DOCK8: variants seen among roughly 807,000 people sequenced by gnomAD.
The protein encoded by DOCK8 is dedicator of cytokinesis protein 8.
Under a neutral mutation model 245.6 loss-of-function variants are expected in DOCK8, and 141 were observed. The observed-to-expected ratio is 0.57, with a 90% CI of 0.50 to 0.66. The LOEUF is 0.66. DOCK8 is among the 30% of genes least tolerant of loss of function. DOCK8 has a pLI of 0.00. For missense variants in DOCK8, 2,965 were observed against 2,603.4 expected (o/e 1.14, Z -3.02); for synonymous variants, 1,168 against 970.2 (o/e 1.20, Z -3.79).
At chr9:445,995 CCATT>C in intron 43 of DOCK8, among the ~76,000 whole-genome samples, 1 of 152,230 alleles carries the variant, frequency 6.6e-6, no homozygotes, top group Non-Finnish European at 1.5e-5. Flanking sequence ...TTTAGTTCGG[CCATT>C]CATGCTTCCT....
chr9:426,532 G>C (rs1381913290), intron 33 of DOCK8, among the ~76,000 whole-genome samples: 2 of 152,200 alleles, frequency 1.3e-5, no homozygotes, highest in African/African-American at 4.8e-5. Flanking sequence ...TTTCATGCGT[G>C]AAATACAGCC....
rs758841898 is a variant in DOCK8, at chr9:420,383, C to A, written c.3841-18C>A. On this transcript the variant is annotated intron_variant, in intron 30 of 47. Transcript: ENST00000432829. Reference sequence around the variant, plus strand: ...GACTTCTTCCCTGGCCTCCATCCCCCAATCTGCCTCCCTTCAGCCCTATAA... The same window carrying A: ...GACTTCTTCCCTGGCCTCCATCCCCAAATCTGCCTCCCTTCAGCCCTATAA... The A allele has an allele frequency of 5.6e-6, 9 of 1,614,036 alleles. No homozygotes were observed. The highest frequency in any genetic ancestry group is 1.1e-5 in the South Asian group (1 of 91,052).
chr9:311,298 A>AAAG (rs1491523336), intron 5 of DOCK8, among the ~76,000 whole-genome samples: 2 of 151,502 alleles, frequency 1.3e-5, no homozygotes, highest in African/African-American at 4.9e-5. Flanking sequence ...AAAAAAAAAA[A>AAAG]AGGTAATCAT....
chr9:215,467 G>C (rs2046728524), intron 1 of DOCK8: 2 of 1,481,140 alleles, frequency 1.4e-6, no homozygotes, highest in East Asian at 2.6e-5. Flanking sequence ...TTAGAGTTGC[G>C]TTTGAGGCAG....
chr9:407,490 C>T (rs1163125514), intron 28 of DOCK8, among the ~76,000 whole-genome samples: 1 of 152,206 alleles, frequency 6.6e-6, no homozygotes, highest in Non-Finnish European at 1.5e-5. Flanking sequence ...GCAGCTGTCC[C>T]ATGCCCAGAT....
rs373168547 is a variant in DOCK8 at position 312,083 on chromosome 9, G to A, written c.658G>A (p.Glu220Lys). ...LENLLQQVSA[E>K]DFEKQNEEAR... ...AAACCTCCTGCAGCAAGTGAGTGCC[G>A]AGGACTTTGAGAAGCAGAACGAGGA... Residue 220 changes from glutamate to lysine, a missense_variant, in exon 6 of 48, where the codon GAG (glutamate) becomes AAG (lysine). By Grantham distance (56) the Glu-to-Lys change is moderately conservative. Around this residue, in one of 3 missense-constraint regions of DOCK8, gnomAD observed 2,825 missense variants for 2,453.5 expected, o/e 1.15. Transcript: ENST00000432829. 2.0e-5 allele frequency: 32 copies of A among 1,614,086 alleles called. No homozygotes were observed. The highest frequency in any genetic ancestry group is 4.5e-5 in the East Asian group (2 of 44,894).
At chr9:270,570 C>G (rs890268051) in intron 1 of DOCK8, among the ~76,000 whole-genome samples, 1 of 152,188 alleles carries the variant, frequency 6.6e-6, no homozygotes, top group Non-Finnish European at 1.5e-5. Flanking sequence ...ATGTAGGAAA[C>G]CTCATCATGC....
At chr9:293,150 C>G (rs1334580851) in intron 4 of DOCK8, among the ~76,000 whole-genome samples, 1 of 152,178 alleles carries the variant, frequency 6.6e-6, no homozygotes, top group African/African-American at 2.4e-5. Context: ...TGTACAACTT[C>G]AGAACTCATT....
Position 379,911 on chromosome 9 carries a change from G to A in DOCK8, c.2581G>A (p.Val861Met). 1 of 1,614,124 alleles carries A rather than the reference G, an allele frequency of 6.2e-7. No individual in the cohort carries two copies. The highest frequency in any genetic ancestry group is 8.5e-7 in the Non-Finnish European group (1 of 1,180,032). Residue 861 changes from valine to methionine, a missense_variant, in exon 21 of 48, where the codon GTG becomes ATG. Val to Met is a conservative substitution (Grantham distance 21). This residue lies in a region of DOCK8 where 2,825 missense variants were observed against 2,453.5 expected (regional missense o/e 1.15). Transcript: ENST00000432829. Reference protein sequence around the residue: ...YVHYVFRLPEVQRDVPKSGAP... With the variant: ...YVHYVFRLPEMQRDVPKSGAP... ...GCACTACGTCTTCCGCCTGCCAGAG[G>A]TGCAAAGGGATGTGCCCAAGTCAGG...
intron 15 of DOCK8, chr9:369,911 C>T (rs1343765156): frequency 2.8e-6 from 1 of 362,914 alleles, no homozygotes; most frequent in Admixed American, 4.0e-5. Context: ...AAGCGATCCT[C>T]TTGCCTCCGC....
intron 7 of DOCK8, among the ~76,000 whole-genome samples, chr9:317,470 G>C (rs1251911714): frequency 1.3e-5 from 2 of 152,186 alleles, no homozygotes; most frequent in Non-Finnish European, 2.9e-5. Context: ...AGATCTGACA[G>C]TGCATATCTC....
Position 399,139 on chromosome 9 carries a change from T to A in DOCK8, c.3121-7T>A. ...CAAAATGATTTGGGTGTTTGTTTGT[T>A]TTTAAGGAAAATGAACAGGCGGAAA... is the stretch of plus-strand genomic sequence containing the variant. On this transcript the variant is annotated splice_region_variant and splice_polypyrimidine_tract_variant and intron_variant, in intron 25 of 47. Transcript: ENST00000432829. 1 of 1,613,668 alleles carries A rather than the reference T, an allele frequency of 6.2e-7. No homozygotes were observed. The highest frequency in any genetic ancestry group is 1.3e-5 in the African/African-American group (1 of 75,028).
chr9:412,899 T>C (rs2055812333), intron 28 of DOCK8, among the ~76,000 whole-genome samples: 1 of 151,118 alleles, frequency 6.6e-6, no homozygotes, highest in Admixed American at 6.6e-5. Flanking sequence ...TGGCAGAAAT[T>C]AGCAAACTGA....
At chr9:400,971 C>CCACCATCACCACCTCCTTCACCAT (rs1586920079) in intron 26 of DOCK8, among the ~76,000 whole-genome samples, 1 of 141,514 alleles carries the variant, frequency 7.1e-6, no homozygotes, top group Admixed American at 7.1e-5. Context: ...ACCACCTCCT[C>CCACCATCACCACCTCCTTCACCAT]CACCATCACC....
intron 26 of DOCK8, among the ~76,000 whole-genome samples, chr9:400,958 ACCACCACCT>A (rs1427349966): frequency 2.9e-5 from 2 of 67,814 alleles, no homozygotes; most frequent in African/African-American, 3.4e-4. Flanking sequence ...CACCACCACC[ACCACCACCT>A]CCTCCACCAT....
intron 23 of DOCK8, 68 bp from the exon 24 acceptor site, chr9:390,403 A>C: frequency 7.0e-7 from 1 of 1,431,710 alleles, no homozygotes; most frequent in South Asian, 1.2e-5. Flanking sequence ...ATAAAAGAAA[A>C]GAAAAAAAGT....
At chr9:223,380 A>G (rs2046925728) in intron 1 of DOCK8, among the ~76,000 whole-genome samples, 1 of 152,168 alleles carries the variant, frequency 6.6e-6, no homozygotes, top group South Asian at 2.1e-4. Context: ...CAGAAATACA[A>G]AGACAAGTGA....
At chr9:428,612 G>C in intron 35 of DOCK8, 116 bp downstream of exon 35, 1 of 1,315,546 alleles carries the variant, frequency 7.6e-7, no homozygotes, top group South Asian at 1.2e-5. Flanking sequence ...TGGCATCACA[G>C]TAAAGGTCTT....
At chr9:372,888 G>A (rs1021614703) in intron 18 of DOCK8, among the ~76,000 whole-genome samples, 58 of 152,098 alleles carry the variant, frequency 3.8e-4, no homozygotes, top group Non-Finnish European at 5.9e-4. Context: ...AAATTAGCTG[G>A]GCCTGCTGTT....
Sources: allele counts gnomAD v4.1 joint callset (sites outside exome capture counted in the v4.1 genomes callset), GRCh38; gene constraint gnomAD v4.1.1; regional missense constraint gnomAD v4.1.1; transcripts MANE v1.5; gene names NCBI Gene and HGNC (gene_info 2026-07-23, HGNC 2026-07-21).